Variants in NALCN observed in about 807,000 individuals in gnomAD.
NALCN encodes sodium leak channel NALCN.
Under a neutral mutation model 225.3 loss-of-function variants are expected in NALCN, and 111 were observed. That is an observed-to-expected ratio of 0.49 (90% CI 0.42 to 0.58). NALCN has a LOEUF of 0.58. NALCN is among the 20% of genes least tolerant of loss of function. The probability of loss-of-function intolerance (pLI) is 0.00; values close to 1 mark genes in which losing one functional copy is unlikely to be tolerated. For missense variants in NALCN, 1,378 were observed against 2,202.4 expected, an observed-to-expected ratio of 0.63 and a Z score of 7.49; for synonymous variants, 764 against 769.0, an observed-to-expected ratio of 0.99 and a Z score of 0.11.
At chr13:101,201,650 C>A (rs1432516256) in intron 13 of NALCN, among the ~76,000 whole-genome samples, 4 of 151,912 alleles carry the variant, frequency 2.6e-5, no homozygotes, top group Non-Finnish European at 4.4e-5. Flanking sequence ...TAAATTACTT[C>A]TGACTTTTTT....
intron 13 of NALCN, among the ~76,000 whole-genome samples, chr13:101,213,548 T>C (rs1241965785): frequency 1.3e-5 from 2 of 152,146 alleles, no homozygotes; most frequent in African/African-American, 4.8e-5. Context: ...AATCTACCCA[T>C]CTGACAAAGG....
chr13:101,211,635 G>T (rs552679468), intron 13 of NALCN, among the ~76,000 whole-genome samples: 1 of 134,508 alleles, frequency 7.4e-6, no homozygotes, highest in African/African-American at 3.0e-5. Flanking sequence ...TGGGGGGGGA[G>T]ACAATGACAA....
At chr13:101,155,749 G>A (rs2037871025) in intron 15 of NALCN, among the ~76,000 whole-genome samples, 1 of 152,074 alleles carries the variant, frequency 6.6e-6, no homozygotes, top group African/African-American at 2.4e-5. Context: ...TTTGTGGGTG[G>A]ATGTTAAAGC....
intron 6 of NALCN, among the ~76,000 whole-genome samples, chr13:101,371,863 G>A (rs182282591): frequency 3.2e-4 from 48 of 152,248 alleles, no homozygotes; most frequent in African/African-American, 1.1e-3. Flanking sequence ...GCTCAGGATT[G>A]TGCAGCCCAT....
intron 9 of NALCN, 93 bp downstream of exon 9, chr13:101,291,897 A>C: frequency 1.6e-6 from 2 of 1,254,206 alleles, no homozygotes; most frequent in Non-Finnish European, 2.3e-6. Context: ...ATAGAAGCCC[A>C]TCATGCAAGA....
intron 18 of NALCN, among the ~76,000 whole-genome samples, chr13:101,121,716 A>G (rs1566300262): frequency 6.6e-6 from 1 of 152,204 alleles, no homozygotes; most frequent in Non-Finnish European, 1.5e-5. Context: ...TTGTCTTAAA[A>G]GCCCTTTCAT....
chr13:101,313,030 T>C (rs1420885026), intron 7 of NALCN, among the ~76,000 whole-genome samples: 1 of 152,116 alleles, frequency 6.6e-6, no homozygotes, highest in African/African-American at 2.4e-5. Context: ...TAATGCCACA[T>C]ATCTACAACC....
intron 14 of NALCN, among the ~76,000 whole-genome samples, chr13:101,189,035 C>T (rs2039570879): frequency 6.6e-6 from 1 of 152,078 alleles, no homozygotes; most frequent in Non-Finnish European, 1.5e-5. Flanking sequence ...GAAACCTCTG[C>T]ATTTCATTGA....
At chr13:101,219,264 G>A (rs960572202) in intron 13 of NALCN, among the ~76,000 whole-genome samples, 12 of 152,152 alleles carry the variant, frequency 7.9e-5, no homozygotes, top group African/African-American at 2.9e-4. Flanking sequence ...GTTACTTGCA[G>A]CCAAAGTGTT....
intron 7 of NALCN, among the ~76,000 whole-genome samples, chr13:101,304,011 C>G (rs913477286): frequency 2.1e-4 from 32 of 152,252 alleles, no homozygotes; most frequent in Middle Eastern, 3.4e-3. Flanking sequence ...ATTCACTATT[C>G]AGAAGGTATA....
chr13:101,311,509 C>G (rs1221835094), intron 7 of NALCN, among the ~76,000 whole-genome samples: 1 of 150,330 alleles, frequency 6.7e-6, no homozygotes, highest in Admixed American at 6.6e-5. Context: ...TCATAGATAG[C>G]TCTTATTATT....
At chr13:101,258,924 C>G (rs114668736) in intron 10 of NALCN, among the ~76,000 whole-genome samples, 1 of 152,130 alleles carries the variant, frequency 6.6e-6, no homozygotes, top group Admixed American at 6.5e-5. Context: ...GCTAGTAACA[C>G]AAAACAAGTA....
At chr13:101,086,170 T>G (rs2033920247) in intron 30 of NALCN, among the ~76,000 whole-genome samples, 1 of 152,042 alleles carries the variant, frequency 6.6e-6, no homozygotes. Flanking sequence ...CAAGTTTCCT[T>G]ACTTTCTGTA....
At chr13:101,226,091 T>C (rs199765026) in intron 13 of NALCN, among the ~76,000 whole-genome samples, 1 of 152,072 alleles carries the variant, frequency 6.6e-6, no homozygotes, top group Non-Finnish European at 1.5e-5. Context: ...ATCGTCGTCT[T>C]GGAGAAACAC....
rs1348154539 is a variant in NALCN at position 101,177,626 on chromosome 13, T to C, written c.1765-1252A>G. 2.6e-5 allele frequency among the ~76,000 whole-genome samples: 4 copies of C among 152,062 alleles called. 1 individual carries two copies. The highest frequency in any genetic ancestry group is 9.6e-5 in the African/African-American group (4 of 41,532). On this transcript the variant is annotated intron_variant, in intron 14 of 43. Transcript: ENST00000251127. ...AACAGGTAAATAAAATAAAACAAAA[T>C]AGCATAATTTTTAAAAATATTTTAC...
At chr13:101,370,510 A>T (rs1017352683) in intron 6 of NALCN, among the ~76,000 whole-genome samples, 2 of 152,178 alleles carry the variant, frequency 1.3e-5, no homozygotes, top group Non-Finnish European at 2.9e-5. Context: ...ATATGACCCC[A>T]TGTGTAAAGC....
At chr13:101,159,809 A>G (rs2038074200) in intron 15 of NALCN, among the ~76,000 whole-genome samples, 1 of 152,212 alleles carries the variant, frequency 6.6e-6, no homozygotes, top group African/African-American at 2.4e-5. Flanking sequence ...GACTCGTGTC[A>G]TCAAAGAAAA....
At chr13:101,301,528 C>T in intron 7 of NALCN, among the ~76,000 whole-genome samples, 1 of 152,114 alleles carries the variant, frequency 6.6e-6, no homozygotes, top group East Asian at 1.9e-4. Context: ...TGAGACCAAC[C>T]TGGCCAACAT....
At chr13:101,310,584 T>C (rs1218803059) in intron 7 of NALCN, among the ~76,000 whole-genome samples, 1 of 152,140 alleles carries the variant, frequency 6.6e-6, no homozygotes, top group African/African-American at 2.4e-5. Context: ...CCTTTTCTCC[T>C]TGACACTTAT....
Sources: gnomAD v4.1 joint callset for allele counts (sites outside exome capture counted in the v4.1 genomes callset) on GRCh38, gnomAD v4.1.1 for gene constraint, MANE v1.5 for transcripts, NCBI Gene and HGNC (gene_info 2026-07-23, HGNC 2026-07-21) for gene names.